The following PARP1 variants were observed in gnomAD, a reference collection of about 807,000 sequenced individuals.
PARP1 encodes the protein poly(ADP-ribose) polymerase 1.
A neutral mutation model predicts 118.7 loss-of-function variants in PARP1; 44 were observed. The observed-to-expected ratio is 0.37, with a 90% CI of 0.29 to 0.48. PARP1 has a LOEUF of 0.48. Among genes scored for constraint, PARP1 ranks in the 20% least tolerant of loss-of-function variants. The pLI, the probability that PARP1 is intolerant of heterozygous loss-of-function variation, is 0.99. For missense variants in PARP1, 1,100 were observed against 1,272.4 expected, an observed-to-expected ratio of 0.86 and a Z score of 2.06; for synonymous variants, 492 against 483.2, an observed-to-expected ratio of 1.02 and a Z score of -0.24.
intron 7 of PARP1, among the ~76,000 whole-genome samples, chr1:226,384,964 G>A (rs1336384353): frequency 2.0e-5 from 3 of 152,182 alleles, no homozygotes; most frequent in Non-Finnish European, 4.4e-5. Flanking sequence ...GGAGCAGCCA[G>A]CCCCACAAAG....
At chr1:226,379,881 C>G in intron 10 of PARP1, 41 bp downstream of exon 10, 2 of 1,612,484 alleles carry the variant, frequency 1.2e-6, no homozygotes, top group Non-Finnish European at 1.7e-6. Flanking sequence ...CACCAATGTC[C>G]CTGGCTTTTG....
At chr1:226,387,460 A>G (rs1027148814) in intron 5 of PARP1, among the ~76,000 whole-genome samples, 3 of 152,148 alleles carry the variant, frequency 2.0e-5, no homozygotes, top group African/African-American at 7.2e-5. Flanking sequence ...ATCATATCCT[A>G]TAGGGTTGCT....
At chr1:226,367,896 T>C (rs1664303590) in intron 16 of PARP1, among the ~76,000 whole-genome samples, 1 of 152,070 alleles carries the variant, frequency 6.6e-6, no homozygotes, top group African/African-American at 2.4e-5. Flanking sequence ...TTTAGACAAA[T>C]GGGTCCTGAG....
intron 9 of PARP1, among the ~76,000 whole-genome samples, chr1:226,380,819 G>A (rs1056256344): frequency 3.9e-5 from 6 of 152,124 alleles, no homozygotes; most frequent in African/African-American, 9.7e-5. Context: ...TTTGGGCTTC[G>A]GGACTAGGGA....
chr1:226,381,771 G>A (rs1191347972), intron 8 of PARP1, among the ~76,000 whole-genome samples: 4 of 152,232 alleles, frequency 2.6e-5, no homozygotes, highest in Admixed American at 2.0e-4. Flanking sequence ...CTGGACAGGG[G>A]TGTGCCTTCT....
chr1:226,385,442 G>A, intron 7 of PARP1, 62 bp downstream of exon 7: 2 of 1,436,076 alleles, frequency 1.4e-6, no homozygotes, highest in Non-Finnish European at 2.0e-6. Flanking sequence ...GTATAAACAA[G>A]CGCAGAAAGT....
At chr1:226,406,750 G>C (rs894599585) in intron 1 of PARP1, among the ~76,000 whole-genome samples, 6 of 152,168 alleles carry the variant, frequency 3.9e-5, no homozygotes, top group African/African-American at 1.4e-4. Flanking sequence ...TATGCCCCGA[G>C]GACACCAAGA....
chr1:226,361,239 CA>C lies in PARP1; in HGVS notation c.*220del, dbSNP rs1222613369. The C allele has an allele frequency of 6.7e-6, 4 of 598,168 alleles. No individual in the cohort carries two copies. The highest frequency in any genetic ancestry group is 5.6e-5 in the African/African-American group (3 of 53,554). 37.1% of individuals were successfully genotyped at this position (598,168 alleles called of 1,614,324 possible). A position where few individuals can be genotyped will look rare whatever the true frequency, so the allele number is the denominator to read the frequency against. The stretch of plus-strand genomic sequence containing the variant: ...GTTTTATCTACCTGGCAAGAAAAAA[CA>C]AAAACAACCCCAAAACAACCCCTCC... On this transcript the variant is annotated 3_prime_UTR_variant, in exon 23 of 23. Coordinates refer to ENST00000366794, the MANE Select transcript of PARP1 (RefSeq NM_001618.4).
At chr1:226,378,619 G>A (rs149308718) in intron 12 of PARP1, among the ~76,000 whole-genome samples, 26 of 152,254 alleles carry the variant, frequency 1.7e-4, no homozygotes, top group African/African-American at 6.0e-4. Flanking sequence ...AGGCTGAGGC[G>A]GGAGGATCAC....
Position 226,364,069 on chromosome 1 carries a change from G to A in PARP1, c.2660C>T (p.Thr887Ile). The A allele has an allele frequency of 1.9e-6, 3 of 1,613,960 alleles. No individual in the cohort carries two copies. The highest frequency in any genetic ancestry group is 2.5e-6 in the Non-Finnish European group (3 of 1,179,828). The change falls in exon 20 of 23, where the codon ACA becomes ATA. Residue 887 changes from threonine (T) to isoleucine (I), a missense_variant and splice_region_variant. This residue lies in a region of PARP1 where 152 missense variants were observed against 240.6 expected (regional missense o/e 0.63). Transcript: ENST00000366794. Reference protein sequence around the residue: ...LRIAPPEAPVTGYMFGKGIYF... With the variant: ...LRIAPPEAPVIGYMFGKGIYF... ...GATCCCTTTACCAAACATGTAGCCT[G>A]TCTGGAAGGTCGGAAAAGGGAGAGC...
At chr1:226,382,258 G>A (rs1412198174) in intron 8 of PARP1, among the ~76,000 whole-genome samples, 1 of 152,192 alleles carries the variant, frequency 6.6e-6, no homozygotes, top group Non-Finnish European at 1.5e-5. Flanking sequence ...AAAAAAATAC[G>A]TTGCTCTCAC....
At chr1:226,392,166 A>G (rs1307921356) in intron 3 of PARP1, 33 bp downstream of exon 3, 3 of 1,366,826 alleles carry the variant, frequency 2.2e-6, no homozygotes, top group Non-Finnish European at 3.1e-6. Context: ...AGCAATCCAT[A>G]AAGTTCAGGG....
At chr1:226,362,144 G>C in intron 21 of PARP1, 61 bp from the exon 22 acceptor site, 1 of 918,044 alleles carries the variant, frequency 1.1e-6, no homozygotes, top group Non-Finnish European at 1.8e-6. Flanking sequence ...AAGCTTCCAG[G>C]GAGATGAGCT....
chr1:226,386,771 C>T (rs1445343801), intron 5 of PARP1, among the ~76,000 whole-genome samples: 1 of 152,190 alleles, frequency 6.6e-6, no homozygotes, highest in African/African-American at 2.4e-5. Flanking sequence ...AGGTGCTAGG[C>T]TGAGCCCACG....
At chr1:226,380,245 G>C in intron 9 of PARP1, 81 bp from the exon 10 acceptor site, 1 of 1,377,646 alleles carries the variant, frequency 7.3e-7, no homozygotes, top group South Asian at 1.2e-5. Flanking sequence ...GTTATATTTA[G>C]TGTGTACTTC....
At position 226,402,144 on chromosome 1, in the gene PARP1, C is replaced by CG; in HGVS notation, c.286+69_286+70insC. Reference sequence around the variant, plus strand: ...AGCTGGGGGAGGTTTGCTTTGCTCTCTGAGACGAGGCCCTCCTGGGAGCTT... The same window carrying CG: ...AGCTGGGGGAGGTTTGCTTTGCTCTCGTGAGACGAGGCCCTCCTGGGAGCTT... On this transcript the variant is annotated intron_variant, in intron 2 of 22. Transcript: ENST00000366794. 3.1e-6 allele frequency: 5 copies of CG among 1,613,598 alleles called. No individual in the cohort carries two copies. The East Asian group carries it at 1.1e-4, about 36-fold the overall frequency.
intron 2 of PARP1, among the ~76,000 whole-genome samples, chr1:226,399,391 G>T (rs912918580): frequency 1.3e-5 from 2 of 152,150 alleles, no homozygotes; most frequent in African/African-American, 4.8e-5. Context: ...AATCTTAAGA[G>T]CACATTGCTA....
chr1:226,381,990 G>A (rs1664619075), intron 8 of PARP1, among the ~76,000 whole-genome samples: 2 of 152,180 alleles, frequency 1.3e-5, no homozygotes, highest in South Asian at 2.1e-4. Flanking sequence ...CTCCATGGAG[G>A]GGTCAGAATG....
chr1:226,378,473 C>A (rs2102734352), intron 12 of PARP1, among the ~76,000 whole-genome samples: 1 of 151,578 alleles, frequency 6.6e-6, no homozygotes, highest in Admixed American at 6.6e-5. Context: ...AGAGTAAGTT[C>A]AACGCTTGCC....
Sources: allele counts gnomAD v4.1 joint callset (sites outside exome capture counted in the v4.1 genomes callset), GRCh38; gene constraint gnomAD v4.1.1; regional missense constraint gnomAD v4.1.1; transcripts MANE v1.5; gene names NCBI Gene and HGNC (gene_info 2026-07-23, HGNC 2026-07-21).